CNTNAP5: variants seen among roughly 807,000 people sequenced by gnomAD.
CNTNAP5 encodes the protein contactin associated protein family member 5, also known as contactin-associated protein-like 5.
In CNTNAP5, 72 loss-of-function variants were observed where a neutral mutation model predicts 150.2. The ratio of observed to expected loss-of-function variants is 0.48; its 90% CI spans 0.40 to 0.58. The LOEUF is 0.58. Among genes scored for constraint, CNTNAP5 ranks in the 20% least tolerant of loss-of-function variants. CNTNAP5 has a pLI of 0.00. For missense variants in CNTNAP5, 1,636 were observed against 1,626.2 expected, an observed-to-expected ratio of 1.01 and a Z score of -0.10; for synonymous variants, 672 against 619.8, an observed-to-expected ratio of 1.08 and a Z score of -1.25.
chr2:124,891,333 C>T (rs1184700639), intron 21 of CNTNAP5, among the ~76,000 whole-genome samples: 2 of 151,988 alleles, frequency 1.3e-5, no homozygotes, highest in African/African-American at 4.8e-5. Context: ...AAAGTACCAG[C>T]CCTCTTGAAA....
intron 13 of CNTNAP5, among the ~76,000 whole-genome samples, chr2:124,672,710 T>C (rs1196254974): frequency 6.6e-6 from 1 of 152,212 alleles, no homozygotes; most frequent in Non-Finnish European, 1.5e-5. Context: ...AAATTTCCTG[T>C]ACCAATCAGG....
intron 6 of CNTNAP5, among the ~76,000 whole-genome samples, chr2:124,471,368 G>C (rs1693510281): frequency 6.6e-6 from 1 of 152,048 alleles, no homozygotes; most frequent in Non-Finnish European, 1.5e-5. Context: ...CTCTTGGCTT[G>C]CCTGTTGTTG....
intron 1 of CNTNAP5, among the ~76,000 whole-genome samples, chr2:124,090,781 T>C (rs1204709824): frequency 6.6e-6 from 1 of 152,208 alleles, no homozygotes; most frequent in East Asian, 1.9e-4. Context: ...TTCAAACCAT[T>C]ATTATCAGCC....
chr2:124,612,734 G>C (rs949498018), intron 12 of CNTNAP5, among the ~76,000 whole-genome samples: 1 of 152,058 alleles, frequency 6.6e-6, no homozygotes, highest in East Asian at 1.9e-4. Context: ...CTAACTTTCT[G>C]TTTTTGTTTT....
At chr2:124,691,422 T>G (rs1320335848) in intron 13 of CNTNAP5, among the ~76,000 whole-genome samples, 1 of 152,058 alleles carries the variant, frequency 6.6e-6, no homozygotes, top group East Asian at 1.9e-4. Context: ...CTAGTTTCTA[T>G]GCCTAGCCTT....
At chr2:124,653,100 C>T (rs1678356759) in intron 13 of CNTNAP5, among the ~76,000 whole-genome samples, 1 of 152,178 alleles carries the variant, frequency 6.6e-6, no homozygotes, top group African/African-American at 2.4e-5. Flanking sequence ...AGCCCTACAG[C>T]ATCACAGAAC....
chr2:124,096,067 G>A (rs538356120), intron 1 of CNTNAP5, among the ~76,000 whole-genome samples: 36 of 152,086 alleles, frequency 2.4e-4, no homozygotes, highest in African/African-American at 6.7e-4. Flanking sequence ...ATTCTTTCCC[G>A]TGCTAGTCTC....
intron 6 of CNTNAP5, among the ~76,000 whole-genome samples, chr2:124,470,006 T>C (rs921194853): frequency 6.6e-6 from 1 of 152,202 alleles, no homozygotes; most frequent in Non-Finnish European, 1.5e-5. Context: ...TCCATGTGTT[T>C]GCTATTGTGA....
chr2:124,709,238 T>C (rs1336539996), intron 13 of CNTNAP5, among the ~76,000 whole-genome samples: 1 of 151,452 alleles, frequency 6.6e-6, no homozygotes, highest in Non-Finnish European at 1.5e-5. Flanking sequence ...TGTGCGTGTG[T>C]GTGTGTGTGT....
At position 124,871,825 on chromosome 2, in the gene CNTNAP5, G is replaced by T. The variant is rs999461176; in HGVS notation, c.3436+2063G>T. 4.6e-5 allele frequency among the ~76,000 whole-genome samples: 7 copies of T among 151,834 alleles called. 1 individual carries two copies. The Middle Eastern group carries it at 0.017, about 369-fold the overall frequency. ...CTTACTTGATATTTTTATGTTTCCT[G>T]TTCGCTATGTCATATGTATCTATGT... On this transcript the variant is annotated intron_variant, in intron 21 of 23. Coordinates refer to ENST00000682447, the MANE Select transcript of CNTNAP5 (RefSeq NM_001367498.1).
At chr2:124,227,063 A>G (rs903319788) in intron 2 of CNTNAP5, among the ~76,000 whole-genome samples, 2 of 152,156 alleles carry the variant, frequency 1.3e-5, no homozygotes, top group African/African-American at 4.8e-5. Flanking sequence ...AAGTTTCCAC[A>G]TGAGTTTCAC....
intron 19 of CNTNAP5, among the ~76,000 whole-genome samples, chr2:124,837,180 CAA>C (rs11349290): frequency 3.8e-5 from 5 of 132,138 alleles, no homozygotes; most frequent in South Asian, 2.4e-4. Context: ...GTATGACTAT[CAA>C]AAAAAAAAAA....
intron 3 of CNTNAP5, among the ~76,000 whole-genome samples, chr2:124,268,907 GT>G (rs1198238233): frequency 1.3e-5 from 2 of 152,072 alleles, no homozygotes; most frequent in Non-Finnish European, 2.9e-5. Context: ...GAATGAGAGG[GT>G]TGGGTGGAAA....
At chr2:124,478,088 G>T (rs1169293270) in intron 7 of CNTNAP5, among the ~76,000 whole-genome samples, 1 of 151,556 alleles carries the variant, frequency 6.6e-6, no homozygotes, top group East Asian at 1.9e-4. Context: ...TTAACGATAA[G>T]ATAGATTGGA....
At chr2:124,698,375 T>TACACACACAC (rs59897587) in intron 13 of CNTNAP5, among the ~76,000 whole-genome samples, 14,877 of 147,290 alleles carry the variant, frequency 0.1, 883 homozygotes, top group African/African-American at 0.15. Flanking sequence ...GACGAGAGGA[T>TACACACACAC]ACACACACAC....
At chr2:124,585,827 A>G (rs888291101) in intron 11 of CNTNAP5, among the ~76,000 whole-genome samples, 5 of 152,042 alleles carry the variant, frequency 3.3e-5, no homozygotes, top group African/African-American at 1.2e-4. Flanking sequence ...CAGGTTTATA[A>G]AACTCATAAA....
rs116628598 is a variant in CNTNAP5 at position 124,840,913 on chromosome 2, C to T, written c.3218-24393C>T. 3.6e-3 allele frequency among the ~76,000 whole-genome samples: 553 copies of T among 152,196 alleles called. 2 individuals are homozygous for T. Among genetic ancestry groups the T allele is most frequent in the African/African-American group, 0.013 (523 of 41,546 alleles). ...CATGAGGACCAAGCAATGTGCAGAC[C>T]ATTCTGACCAAGTTACATCATTGAC... On this transcript the variant is annotated intron_variant, in intron 19 of 23. Coordinates refer to ENST00000682447, the MANE Select transcript of CNTNAP5 (RefSeq NM_001367498.1).
Position 124,614,137 on chromosome 2 carries a change from T to A in CNTNAP5, c.1876+4217T>A, listed in dbSNP as rs534052380. Reference sequence around the variant, plus strand: ...ATATAAATTTGGGCATTGTGGGCACTGTGAAAGTGCTGTAGTTTTAATAGT... The same window carrying A: ...ATATAAATTTGGGCATTGTGGGCACAGTGAAAGTGCTGTAGTTTTAATAGT... On this transcript the variant is annotated intron_variant, in intron 12 of 23. Coordinates refer to ENST00000682447, the MANE Select transcript of CNTNAP5 (RefSeq NM_001367498.1). Among the ~76,000 whole-genome samples, 110 of 152,350 alleles carry A rather than the reference T, an allele frequency of 7.2e-4. 1 individual carries two copies. The South Asian group carries it at 0.011, about 15-fold the overall frequency.
chr2:124,380,714 T>C lies in CNTNAP5; in HGVS notation c.382-36729T>C, dbSNP rs185078596. On this transcript the variant is annotated intron_variant, in intron 3 of 23. Coordinates refer to ENST00000682447, the MANE Select transcript of CNTNAP5 (RefSeq NM_001367498.1). The stretch of plus-strand genomic sequence containing the variant: ...CTACCTCCACTCTCTTTTGAAGCAG[T>C]TTAAAGATGACAGCCAGTCAGTGAA... Among the ~76,000 whole-genome samples, 492 of 152,204 alleles carry C rather than the reference T, an allele frequency of 3.2e-3. 5 individuals carry two copies. Among genetic ancestry groups the C allele is most frequent in the Non-Finnish European group, 4.9e-3 (331 of 68,002 alleles).
Sources: allele counts gnomAD v4.1 joint callset (sites outside exome capture counted in the v4.1 genomes callset), GRCh38; gene constraint gnomAD v4.1.1; transcripts MANE v1.5; gene names NCBI Gene and HGNC (gene_info 2026-07-23, HGNC 2026-07-21).